ADAM12: variants seen among roughly 807,000 people sequenced by gnomAD.
The protein encoded by ADAM12 is ADAM metallopeptidase domain 12.
In ADAM12, 70 loss-of-function variants were observed where a neutral mutation model predicts 106.4. That is an observed-to-expected ratio of 0.66 (90% CI 0.54 to 0.80). The LOEUF (loss-of-function observed/expected upper bound fraction) is 0.80, where lower values mean the gene tolerates loss of function less well. Among genes scored for constraint, ADAM12 ranks in the 30% least tolerant of loss-of-function variants. The pLI is 0.00. For synonymous variants in ADAM12, 420 were observed against 433.5 expected (o/e 0.97, Z 0.39); for missense variants, 1,010 against 1,171.9 (o/e 0.86, Z 2.02).
intron 2 of ADAM12, among the ~76,000 whole-genome samples, chr10:126,309,616 T>C (rs1960994080): frequency 6.6e-6 from 1 of 152,204 alleles, no homozygotes; most frequent in Non-Finnish European, 1.5e-5. Context: ...ATTAAAGTGC[T>C]CCTATTGCAT....
chr10:126,069,288 T>TA (rs1374968731), intron 12 of ADAM12, among the ~76,000 whole-genome samples: 7 of 151,852 alleles, frequency 4.6e-5, no homozygotes, highest in Non-Finnish European at 7.4e-5. Flanking sequence ...AAGCAAAAAA[T>TA]AAAAAAAAGC....
chr10:126,384,437 A>G (rs1383083198), intron 1 of ADAM12, among the ~76,000 whole-genome samples: 1 of 152,204 alleles, frequency 6.6e-6, no homozygotes, highest in Non-Finnish European at 1.5e-5. Context: ...TGCTCAGAAT[A>G]CAGATGATTC....
intron 18 of ADAM12, among the ~76,000 whole-genome samples, chr10:126,042,533 A>G (rs1278259): frequency 0.7 from 106,569 of 152,052 alleles, 38,183 homozygotes; most frequent in East Asian, 0.83. Flanking sequence ...GGATGACATC[A>G]TGGGCATAAA....
chr10:126,211,332 C>G (rs1957897393), intron 3 of ADAM12, among the ~76,000 whole-genome samples: 1 of 152,214 alleles, frequency 6.6e-6, no homozygotes, highest in African/African-American at 2.4e-5. Context: ...ACCCCACCCT[C>G]CCGGGCTCAG....
At chr10:126,178,272 G>A (rs1042903823) in intron 3 of ADAM12, among the ~76,000 whole-genome samples, 1 of 151,942 alleles carries the variant, frequency 6.6e-6, no homozygotes, top group African/African-American at 2.4e-5. Context: ...TTTGGTTTGT[G>A]ACACATGTGT....
chr10:126,126,290 G>A (rs1005264554), intron 5 of ADAM12, among the ~76,000 whole-genome samples: 1 of 152,116 alleles, frequency 6.6e-6, no homozygotes, highest in African/African-American at 2.4e-5. Flanking sequence ...TCGAGGTCCA[G>A]GTTAGCCAAC....
Position 126,017,140 on chromosome 10 carries a change from C to A in ADAM12, c.*139G>T, listed in dbSNP as rs557444468. 1.5e-5 allele frequency: 11 copies of A among 722,418 alleles called. No individual in the cohort carries two copies. Among genetic ancestry groups the A allele is most frequent in the Non-Finnish European group, 2.5e-5 (11 of 431,776 alleles). The allele number at this position is 722,418 out of a possible 1,614,324, so 44.8% of individuals were successfully genotyped here. A position where few individuals can be genotyped will look rare whatever the true frequency, so the allele number is the denominator to read the frequency against. On this transcript the variant is annotated 3_prime_UTR_variant, in exon 23 of 23. Coordinates refer to ENST00000448723, the MANE Select transcript of ADAM12 (RefSeq NM_001288973.2). ...GCACCATAGCACAGCACAGCACTGA[C>A]GGCAGTAGCTCAAAGTTCTTATAGT...
rs1450290756 is a variant in ADAM12 at position 126,014,597 on chromosome 10, G to C, written c.*2682C>G. 6.6e-6 allele frequency: 1 copy of C among 151,930 alleles called. No homozygotes were observed. Among genetic ancestry groups the C allele is most frequent in the Non-Finnish European group, 1.5e-5 (1 of 67,998 alleles). 9.4% of individuals were successfully genotyped at this position (151,930 alleles called of 1,614,324 possible). ...AGAATGTTAGGCTTCGTTTCCCTCG[G>C]TTGCTACACATCTGATTACATGTGT... On this transcript the variant is annotated 3_prime_UTR_variant, in exon 23 of 23. Coordinates refer to ENST00000448723, the MANE Select transcript of ADAM12 (RefSeq NM_001288973.2).
chr10:126,101,267 T>C (rs1254324398), intron 8 of ADAM12, 26 bp from the exon 9 acceptor site: 2 of 1,606,644 alleles, frequency 1.2e-6, no homozygotes, highest in Admixed American at 1.7e-5. Context: ...AAAACTGGCA[T>C]TGGAGTTGGG....
chr10:126,381,392 C>CT (rs1856484261), intron 1 of ADAM12, among the ~76,000 whole-genome samples: 1 of 149,740 alleles, frequency 6.7e-6, no homozygotes, highest in South Asian at 2.1e-4. Flanking sequence ...AATTCCAACA[C>CT]TTTTGGGGGG....
chr10:126,229,829 C>T (rs1282161102), intron 3 of ADAM12, among the ~76,000 whole-genome samples: 3 of 152,144 alleles, frequency 2.0e-5, no homozygotes, highest in Non-Finnish European at 4.4e-5. Flanking sequence ...TGCTCGAAGG[C>T]ATGATTGTTA....
intron 11 of ADAM12, among the ~76,000 whole-genome samples, chr10:126,073,144 T>C (rs993399875): frequency 2.0e-5 from 3 of 152,196 alleles, no homozygotes; most frequent in African/African-American, 7.2e-5. Flanking sequence ...CTGTTGCCCA[T>C]GCTGGAGTGC....
chr10:126,255,395 G>A (rs566425247), intron 3 of ADAM12, among the ~76,000 whole-genome samples: 12 of 152,108 alleles, frequency 7.9e-5, no homozygotes, highest in Non-Finnish European at 1.8e-4. Context: ...GCTCTCGTTC[G>A]CATTCAGTCC....
At chr10:126,155,353 T>G (rs2133723446) in intron 3 of ADAM12, 48 bp from the exon 4 acceptor site, 2 of 1,514,126 alleles carry the variant, frequency 1.3e-6, no homozygotes, top group East Asian at 4.5e-5. Context: ...AGAATTGCAT[T>G]GATACATTGT....
chr10:126,174,007 G>C (rs1357371781), intron 3 of ADAM12, among the ~76,000 whole-genome samples: 3 of 100,544 alleles, frequency 3.0e-5, no homozygotes, highest in African/African-American at 1.0e-4. Context: ...ATCTGTTGTT[G>C]ATTTTTTTTT....
intron 8 of ADAM12, among the ~76,000 whole-genome samples, chr10:126,102,788 C>T (rs1955691724): frequency 6.6e-6 from 1 of 152,232 alleles, no homozygotes; most frequent in South Asian, 2.1e-4. Flanking sequence ...TATCTACTTG[C>T]AAACTCCCAG....
chr10:126,031,114 G>T (rs2133389475), intron 21 of ADAM12, among the ~76,000 whole-genome samples: 1 of 152,240 alleles, frequency 6.6e-6, no homozygotes, highest in African/African-American at 2.4e-5. Context: ...GGGAGGGTGA[G>T]ATCTGGAATG....
At chr10:126,244,536 T>C (rs1430334585) in intron 3 of ADAM12, among the ~76,000 whole-genome samples, 2 of 152,182 alleles carry the variant, frequency 1.3e-5, no homozygotes, top group Non-Finnish European at 2.9e-5. Flanking sequence ...AAGTTTAGAC[T>C]AGAGATGCCA....
At chr10:126,044,493 T>A (rs1165391597) in intron 17 of ADAM12, among the ~76,000 whole-genome samples, 1 of 152,184 alleles carries the variant, frequency 6.6e-6, no homozygotes, top group Admixed American at 6.5e-5. Context: ...CTAGAAGTTG[T>A]TGATGATGCA....
Sources: allele counts gnomAD v4.1 joint callset (sites outside exome capture counted in the v4.1 genomes callset), GRCh38; gene constraint gnomAD v4.1.1; transcripts MANE v1.5; gene names NCBI Gene and HGNC (gene_info 2026-07-23, HGNC 2026-07-21).